RTF2: variants seen among roughly 807,000 people sequenced by gnomAD.
RTF2 encodes the protein replication termination factor 2.
A neutral mutation model predicts 38.0 loss-of-function variants in RTF2; 18 were observed. That is an observed-to-expected ratio of 0.47 (90% CI 0.33 to 0.70). RTF2 has a LOEUF of 0.70. Among genes scored for constraint, RTF2 ranks in the 30% least tolerant of loss-of-function variants. The pLI is 0.02. For synonymous variants in RTF2, 126 were observed against 137.1 expected, an observed-to-expected ratio of 0.92 and a Z score of 0.57; for missense variants, 311 against 379.6, an observed-to-expected ratio of 0.82 and a Z score of 1.50.
chr20:56,481,936 C>G (rs2146324802), intron 4 of RTF2, among the ~76,000 whole-genome samples: 3 of 152,308 alleles, frequency 2.0e-5, no homozygotes, highest in Middle Eastern at 6.8e-3. Flanking sequence ...AAAACTAGCT[C>G]ACCCCAGAAG....
At chr20:56,505,133 A>G (rs1482343609) in intron 5 of RTF2, among the ~76,000 whole-genome samples, 1 of 152,098 alleles carries the variant, frequency 6.6e-6, no homozygotes, top group Admixed American at 6.5e-5. Context: ...GGAGAGTCAC[A>G]TTGCCAGCTT....
rs1985172136 is a variant in RTF2 at position 56,518,204 on chromosome 20, C to T, written c.860C>T (p.Ser287Phe). ...AYKSLFTTHS[S>F]AKRSKEESAH... is the part of the protein sequence containing the mutation. ...AAGTCCCTCTTTACCACTCACAGCT[C>T]CGCCAAGCGCTCCAAGGAGGAGTCT... Residue 287 changes from serine to phenylalanine, a missense_variant, in exon 9 of 9, where the codon TCC becomes TTC. Coordinates refer to ENST00000357348, the MANE Select transcript of RTF2 (RefSeq NM_016407.5). 3 of 1,614,196 alleles carry T rather than the reference C, an allele frequency of 1.9e-6. No individual in the cohort carries two copies. Among genetic ancestry groups the T allele is most frequent in the African/African-American group, 2.7e-5 (2 of 75,058 alleles).
At chr20:56,495,366 TG>T in intron 5 of RTF2, 8 of 1,205,916 alleles carry the variant, frequency 6.6e-6, no homozygotes, top group Non-Finnish European at 9.6e-6. Context: ...CAAGTTCTTC[TG>T]TGCTATCATT....
At position 56,513,186 on chromosome 20, in the gene RTF2, CA is replaced by C. The variant is rs1415867194; in HGVS notation, c.478-128del. On this transcript the variant is annotated intron_variant, in intron 5 of 8. Coordinates refer to ENST00000357348, the MANE Select transcript of RTF2 (RefSeq NM_016407.5). ...GAACTTTCCAAACCAAGGCTTTGACCAGAAAGCCGGTAATAGGAATTTACTC... is the reference window on the plus strand; with the variant it reads ...GAACTTTCCAAACCAAGGCTTTGACCGAAAGCCGGTAATAGGAATTTACTC... The C allele has an allele frequency of 4.7e-5, 61 of 1,294,232 alleles. 1 individual carries two copies. The Admixed American group carries it at 1.0e-3, about 22-fold the overall frequency. The allele number at this position is 1,294,232 out of a possible 1,614,324, so 80.2% of individuals were successfully genotyped here.
intron 5 of RTF2, among the ~76,000 whole-genome samples, chr20:56,501,072 C>G (rs1983899530): frequency 1.3e-5 from 2 of 152,066 alleles, no homozygotes; most frequent in South Asian, 2.1e-4. Context: ...TCAGCACAAG[C>G]TTTTTAAGGC....
At chr20:56,491,828 C>A (rs1983166034) in intron 5 of RTF2, 1 of 1,417,570 alleles carries the variant, frequency 7.1e-7, no homozygotes, top group African/African-American at 1.4e-5. Flanking sequence ...GTTTCCTCAC[C>A]CATTTTATTC....
intron 5 of RTF2, among the ~76,000 whole-genome samples, chr20:56,506,940 T>G (rs1294231850): frequency 2.6e-5 from 4 of 152,272 alleles, no homozygotes; most frequent in African/African-American, 9.6e-5. Context: ...GACCTCGTGA[T>G]CCGCCCGCCT....
Position 56,477,007 on chromosome 20 carries a change from C to T in RTF2, c.281C>T (p.Ser94Phe). The change falls in exon 4 of 9, where the codon TCT becomes TTT. Residue 94 changes from serine (S) to phenylalanine (F), a missense_variant. Physicochemically the swap from Ser to Phe is radical, Grantham distance 155. Coordinates refer to ENST00000357348, the MANE Select transcript of RTF2 (RefSeq NM_016407.5). ...SIKNVTELKL[S>F]DNPAWEGDKG... ...CAGAATGTGACAGAGCTGAAGCTTT[C>T]TGATAATCCTGCCTGGGAAGGGGAT... The T allele has an allele frequency of 1.2e-6, 2 of 1,614,036 alleles. No homozygotes were observed. The highest frequency in any genetic ancestry group is 1.7e-6 in the Non-Finnish European group (2 of 1,179,942).
At position 56,518,080 on chromosome 20, in the gene RTF2, T is replaced by A; in HGVS notation, c.743-7T>A. On this transcript the variant is annotated splice_region_variant and splice_polypyrimidine_tract_variant and intron_variant, in intron 8 of 8. Transcript: ENST00000357348. ...ACCCTGACAGTTTTGGCTCTTCATT[T>A]TTCTAGCAATGAATGAGAGCTCTTC... 6.2e-7 allele frequency: 1 copy of A among 1,602,246 alleles called. No homozygotes were observed. Among genetic ancestry groups the A allele is most frequent in the Admixed American group, 1.8e-5 (1 of 56,694 alleles).
intron 2 of RTF2, among the ~76,000 whole-genome samples, chr20:56,473,971 C>G (rs981995252): frequency 6.6e-6 from 1 of 152,306 alleles, no homozygotes; most frequent in Admixed American, 6.5e-5. Context: ...ATGGAGAATA[C>G]TGGAGGGTCC....
At chr20:56,497,683 G>A in intron 5 of RTF2, 1 of 1,106,214 alleles carries the variant, frequency 9.0e-7, no homozygotes, top group Non-Finnish European at 1.2e-6. Context: ...AAGAACAACA[G>A]ATACAATTTA....
At chr20:56,518,058 C>A in intron 8 of RTF2, 29 bp from the exon 9 acceptor site, 1 of 1,591,086 alleles carries the variant, frequency 6.3e-7, no homozygotes. Flanking sequence ...TATCCCAACC[C>A]TGACAGTTTT....
At chr20:56,507,533 A>G (rs999628331) in intron 5 of RTF2, among the ~76,000 whole-genome samples, 3 of 152,192 alleles carry the variant, frequency 2.0e-5, no homozygotes, top group African/African-American at 7.2e-5. Context: ...GGCCAATTCA[A>G]CTTTAAAAGT....
rs990451503 is a variant in RTF2 at position 56,510,726 on chromosome 20, G to A, written c.478-2589G>A. Reference sequence around the variant, plus strand: ...AGGTTGAGGCGGGTGGATTACCTGAGCCCAGAAGTTCAAGACCAGCCTGAA... The same window carrying A: ...AGGTTGAGGCGGGTGGATTACCTGAACCCAGAAGTTCAAGACCAGCCTGAA... On this transcript the variant is annotated intron_variant, in intron 5 of 8. Transcript: ENST00000357348. 2.6e-5 allele frequency among the ~76,000 whole-genome samples: 4 copies of A among 152,162 alleles called. No homozygotes were observed. In the East Asian group the frequency reaches 5.8e-4, roughly 22 times the overall value.
intron 6 of RTF2, chr20:56,516,678 G>C (rs1472594310): frequency 1.9e-6 from 1 of 524,952 alleles, no homozygotes; most frequent in Non-Finnish European, 3.4e-6. Flanking sequence ...TGTGATTTGG[G>C]AGATGTAAAT....
intron 5 of RTF2, among the ~76,000 whole-genome samples, chr20:56,502,574 T>C (rs1489467640): frequency 6.6e-6 from 1 of 152,136 alleles, no homozygotes; most frequent in African/African-American, 2.4e-5. Flanking sequence ...TACTCTTTCG[T>C]TGCATTTTTT....
chr20:56,515,838 T>G (rs914199640), intron 6 of RTF2: 2 of 152,262 alleles, frequency 1.3e-5, no homozygotes, highest in African/African-American at 4.8e-5. Context: ...CTGCAAAATA[T>G]TCTCCAGAGC....
chr20:56,471,650 A>G (rs1981977353), intron 1 of RTF2: 2 of 152,246 alleles, frequency 1.3e-5, no homozygotes, highest in African/African-American at 4.8e-5. Context: ...GAAAGACCCT[A>G]GGAAAGAAGA....
intron 5 of RTF2, among the ~76,000 whole-genome samples, chr20:56,511,895 C>T (rs549288848): frequency 2.4e-4 from 36 of 152,154 alleles, no homozygotes; most frequent in African/African-American, 7.7e-4. Context: ...TGCAGTGGCA[C>T]GATCTCGGCT....
Sources: allele counts gnomAD v4.1 joint callset (sites outside exome capture counted in the v4.1 genomes callset), GRCh38; gene constraint gnomAD v4.1.1; transcripts MANE v1.5; gene names NCBI Gene and HGNC (gene_info 2026-07-23, HGNC 2026-07-21).